Variants in BBX observed in about 807,000 individuals in gnomAD.
The protein encoded by BBX is BBX high mobility group box domain containing.
BBX carries 30 observed loss-of-function variants against 100.2 expected under a neutral mutation model. The observed-to-expected ratio is 0.30, with a 90% CI of 0.22 to 0.41. The LOEUF (loss-of-function observed/expected upper bound fraction) is 0.41. BBX is among the 10% of genes least tolerant of loss of function. The pLI is 1.00. For synonymous variants in BBX, 376 were observed against 388.1 expected (o/e 0.97, Z 0.37); for missense variants, 1,023 against 1,129.8 (o/e 0.91, Z 1.35).
chr3:107,778,598 G>C, intron 13 of BBX, 79 bp downstream of exon 13: 1 of 1,464,564 alleles, frequency 6.8e-7, no homozygotes, highest in South Asian at 1.3e-5. Flanking sequence ...GCTCCCTTTA[G>C]ACATATCATT....
chr3:107,596,506 C>A (rs905657098), intron 2 of BBX, among the ~76,000 whole-genome samples: 6 of 152,266 alleles, frequency 3.9e-5, no homozygotes, highest in Admixed American at 3.9e-4. Flanking sequence ...CTCTCAGGGG[C>A]TGGCAGCTTA....
chr3:107,804,953 T>A (rs1241645696), intron 17 of BBX, among the ~76,000 whole-genome samples: 1 of 152,178 alleles, frequency 6.6e-6, no homozygotes, highest in East Asian at 1.9e-4. Flanking sequence ...AATGTGTCAT[T>A]TTTAATACCA....
intron 2 of BBX, among the ~76,000 whole-genome samples, chr3:107,636,006 G>A (rs1030003958): frequency 1.1e-4 from 17 of 152,094 alleles, no homozygotes; most frequent in Admixed American, 3.3e-4. Flanking sequence ...CACCGTGCCC[G>A]GAGTACTTTT....
At chr3:107,636,707 A>G (rs1184776182) in intron 2 of BBX, among the ~76,000 whole-genome samples, 1 of 152,206 alleles carries the variant, frequency 6.6e-6, no homozygotes, top group African/African-American at 2.4e-5. Flanking sequence ...ATGTCTACCA[A>G]TGGAAATAGT....
At chr3:107,723,709 C>T (rs1301016332) in intron 5 of BBX, among the ~76,000 whole-genome samples, 2 of 152,020 alleles carry the variant, frequency 1.3e-5, no homozygotes, top group Non-Finnish European at 2.9e-5. Context: ...TGGTTTCCAG[C>T]TTCATCCATG....
chr3:107,549,307 G>T (rs1225238488), intron 2 of BBX, among the ~76,000 whole-genome samples: 1 of 152,004 alleles, frequency 6.6e-6, no homozygotes, highest in African/African-American at 2.4e-5. Context: ...CTTTCTAGTG[G>T]GGGAAAACAG....
intron 2 of BBX, among the ~76,000 whole-genome samples, chr3:107,540,768 T>C (rs558829049): frequency 6.6e-6 from 1 of 152,216 alleles, no homozygotes; most frequent in Non-Finnish European, 1.5e-5. Flanking sequence ...CCTTCTTCCC[T>C]CATCACTAAA....
At chr3:107,713,694 A>G (rs1183729501) in intron 4 of BBX, among the ~76,000 whole-genome samples, 1 of 152,186 alleles carries the variant, frequency 6.6e-6, no homozygotes, top group Non-Finnish European at 1.5e-5. Context: ...TACAGTTCCA[A>G]ACTGCTGGTT....
chr3:107,739,393 C>T (rs557603218), intron 7 of BBX, among the ~76,000 whole-genome samples: 6 of 152,200 alleles, frequency 3.9e-5, no homozygotes, highest in Non-Finnish European at 8.8e-5. Context: ...TGAGCTTCCT[C>T]TTTTCTTGGG....
intron 13 of BBX, among the ~76,000 whole-genome samples, chr3:107,786,145 C>T (rs1329513710): frequency 6.6e-6 from 1 of 151,906 alleles, no homozygotes. Context: ...ACAATGAAAA[C>T]AAATCATTGC....
At position 107,778,412 on chromosome 3, in the gene BBX, G is replaced by C; in HGVS notation, c.2096G>C (p.Ser699Thr). 6.2e-7 allele frequency: 1 copy of C among 1,613,342 alleles called. No homozygotes were observed. Among genetic ancestry groups the C allele is most frequent in the Non-Finnish European group, 8.5e-7 (1 of 1,179,538 alleles). ...GAAGAATTTGAAAAAAAATTCAACA[G>C]CCTCCCTCAATATAGTCCTGTTACA... ...LDEEFEKKFN[S>T]LPQYSPVTFD... The change falls in exon 13 of 18, where the codon AGC becomes ACC. Residue 699 changes from serine to threonine, a missense_variant. By Grantham distance (58) the Ser-to-Thr change is moderately conservative (BLOSUM62 1). Coordinates refer to ENST00000325805, the MANE Select transcript of BBX (RefSeq NM_001142568.3).
chr3:107,740,114 TA>T (rs1453752732), intron 7 of BBX, among the ~76,000 whole-genome samples: 1 of 151,940 alleles, frequency 6.6e-6, no homozygotes, highest in African/African-American at 2.4e-5. Context: ...GCTGTTGGGT[TA>T]TGCCCCCCGT....
intron 2 of BBX, among the ~76,000 whole-genome samples, chr3:107,593,805 A>G (rs2053498321): frequency 6.6e-6 from 1 of 152,162 alleles, no homozygotes; most frequent in South Asian, 2.1e-4. Flanking sequence ...CCCCCCAAAA[A>G]CCAAACAGGC....
intron 3 of BBX, among the ~76,000 whole-genome samples, chr3:107,660,077 A>G (rs936514033): frequency 3.9e-5 from 6 of 152,144 alleles, no homozygotes. Context: ...TATGTTCAGT[A>G]TAGCTTTGTA....
chr3:107,536,552 C>CA (rs1436062887), intron 2 of BBX, among the ~76,000 whole-genome samples: 1 of 152,038 alleles, frequency 6.6e-6, no homozygotes, highest in East Asian at 1.9e-4. Flanking sequence ...TCCCCACCTC[C>CA]AAAAAACACC....
intron 2 of BBX, among the ~76,000 whole-genome samples, chr3:107,570,136 C>T (rs564359941): frequency 6.6e-6 from 1 of 152,184 alleles, no homozygotes. Flanking sequence ...GGAGGAACCC[C>T]TGGCTGCTGC....
At chr3:107,659,594 G>A in intron 3 of BBX, 1 of 406,518 alleles carries the variant, frequency 2.5e-6, no homozygotes, top group Non-Finnish European at 4.2e-6. Context: ...ACAGAGAGGT[G>A]AAATTATCTG....
intron 2 of BBX, among the ~76,000 whole-genome samples, chr3:107,559,618 A>G (rs2050332712): frequency 6.6e-6 from 1 of 152,244 alleles, no homozygotes; most frequent in Non-Finnish European, 1.5e-5. Context: ...ACTAAAACTC[A>G]GGGATGGATA....
intron 2 of BBX, among the ~76,000 whole-genome samples, chr3:107,533,232 C>T (rs2048282918): frequency 6.6e-6 from 1 of 152,104 alleles, no homozygotes; most frequent in South Asian, 2.1e-4. Context: ...ATATCAGGAC[C>T]TAAGGGTTTT....
Sources: gnomAD v4.1 joint callset for allele counts (sites outside exome capture counted in the v4.1 genomes callset) on GRCh38, gnomAD v4.1.1 for gene constraint, MANE v1.5 for transcripts, NCBI Gene and HGNC (gene_info 2026-07-23, HGNC 2026-07-21) for gene names.